Variants in ZNF581 observed in about 807,000 individuals in gnomAD.
The protein encoded by ZNF581 is zinc finger protein 581.
ZNF581 carries 1 observed loss-of-function variant against 1.2 expected under a neutral mutation model. The ratio of observed to expected loss-of-function variants is 0.83; its 90% CI spans 0.30 to 3.95. The LOEUF (loss-of-function observed/expected upper bound fraction) is 3.95, where lower values mean the gene tolerates loss of function less well. Among genes scored for constraint, ZNF581 ranks in the 30% most tolerant of loss-of-function variants. The pLI is 0.18. For missense variants in ZNF581, 273 were observed against 274.6 expected, an observed-to-expected ratio of 0.99 and a Z score of 0.04; for synonymous variants, 105 against 109.2, an observed-to-expected ratio of 0.96 and a Z score of 0.24.
chr19:55,636,638 A>G (rs1982108624), upstream of ZNF581, among the ~76,000 whole-genome samples: 1 of 152,088 alleles, frequency 6.6e-6, no homozygotes, highest in African/African-American at 2.4e-5. Context: ...AGAGTGGGGA[A>G]GGCAGGCAGT....
rs1271130369 is a variant in ZNF581, at chr19:55,645,130, A to G, written c.559A>G (p.Thr187Ala). 2.0e-6 allele frequency: 3 copies of G among 1,523,988 alleles called. No homozygotes were observed. The African/African-American group carries it at 4.2e-5, about 21-fold the overall frequency. 94.4% of individuals were successfully genotyped at this position (1,523,988 alleles called of 1,614,324 possible). ...HCPRRFMEQNTLQKHTRWKHP is the reference protein window; with the variant it reads ...HCPRRFMEQNALQKHTRWKHP The stretch of plus-strand genomic sequence containing the variant: ...CCCTCGCCGCTTTATGGAGCAGAAC[A>G]CACTGCAGAAACACACGCGGTGGAA... The change falls in exon 2 of 2, where the codon ACA becomes GCA. Residue 187 changes from threonine (T) to alanine (A), a missense_variant. Physicochemically the swap from Thr to Ala is moderately conservative, Grantham distance 58 (BLOSUM62 0). Coordinates refer to ENST00000270451, the MANE Select transcript of ZNF581 (RefSeq NM_016535.4).
chr19:55,642,712 G>A (rs1020221631), upstream of ZNF581: 1 of 1,500,044 alleles, frequency 6.7e-7, no homozygotes, highest in Non-Finnish European at 8.9e-7. Flanking sequence ...ACACGGTGCA[G>A]CTGGAGGAGG....
chr19:55,642,324 C>G (rs1982555328), upstream of ZNF581: 2 of 1,261,370 alleles, frequency 1.6e-6, no homozygotes, highest in East Asian at 3.2e-5. Flanking sequence ...TCCGAGGCAG[C>G]TTGATGGAAC....
At chr19:55,635,625 T>A (rs1982047473) in exon 1 of ZNF581, 1 of 977,798 alleles carries the variant, frequency 1.0e-6, no homozygotes, top group South Asian at 4.7e-5. Context: ...AACTGAAGTT[T>A]GGGGACATGA....
chr19:55,645,594 A>T lies in ZNF581; in HGVS notation c.*429A>T, dbSNP rs1982802002. ...CACCCCCCAACCAGGCCTGAGACTG[A>T]TCAAACAATAAACACGTTTCCCACT... On this transcript the variant is annotated 3_prime_UTR_variant, in exon 2 of 2. Transcript: ENST00000270451. The T allele has an allele frequency of 5.7e-6, 1 of 176,050 alleles. No individual in the cohort carries two copies. Among genetic ancestry groups the T allele is most frequent in the Admixed American group, 6.5e-5 (1 of 15,496 alleles). The allele number at this position is 176,050 out of a possible 1,614,324, so 10.9% of individuals were successfully genotyped here. A position where few individuals can be genotyped will look rare whatever the true frequency, so the allele number is the denominator to read the frequency against.
chr19:55,635,054 G>C (rs1318120833), upstream of ZNF581: 1 of 152,134 alleles, frequency 6.6e-6, no homozygotes, highest in African/African-American at 2.4e-5. Context: ...TAGGGAGACC[G>C]GGCCGGATTG....
upstream of ZNF581, among the ~76,000 whole-genome samples, chr19:55,639,731 C>G (rs1251997085): frequency 6.6e-6 from 1 of 152,160 alleles, no homozygotes; most frequent in Non-Finnish European, 1.5e-5. Context: ...ATTCTCCTGC[C>G]TCAGCCTCCC....
upstream of ZNF581, among the ~76,000 whole-genome samples, chr19:55,637,171 C>A (rs1159925553): frequency 6.6e-6 from 1 of 151,932 alleles, no homozygotes; most frequent in African/African-American, 2.4e-5. Flanking sequence ...TGCTGTGTCT[C>A]AGAGGGGAAG....
chr19:55,642,817 C>T, upstream of ZNF581: 1 of 1,573,336 alleles, frequency 6.4e-7, no homozygotes, highest in Non-Finnish European at 8.6e-7. Flanking sequence ...TCTTTGCCAG[C>T]CCTCTGCGGC....
At chr19:55,642,925 C>T, upstream of ZNF581, 1 of 1,484,014 alleles carries the variant, frequency 6.7e-7, no homozygotes, top group African/African-American at 1.5e-5. Flanking sequence ...CGCGGCATCG[C>T]GCCACGCACC....
upstream of ZNF581, chr19:55,643,221 C>A: frequency 2.0e-6 from 2 of 1,018,338 alleles, no homozygotes; most frequent in Non-Finnish European, 2.6e-6. Flanking sequence ...TGATGTAGAC[C>A]AAAGTCGTTG....
upstream of ZNF581, chr19:55,642,795 A>C (rs1353041423): frequency 1.9e-6 from 3 of 1,562,172 alleles, no homozygotes; most frequent in African/African-American, 1.4e-5. Flanking sequence ...AGCTGCCCGG[A>C]GTGCGCCCGT....
upstream of ZNF581, chr19:55,642,743 C>T (rs771730917): frequency 3.9e-6 from 6 of 1,521,240 alleles, no homozygotes; most frequent in South Asian, 6.1e-5. Flanking sequence ...CCCGCCCCAG[C>T]GCGAGGCGCC....
upstream of ZNF581, chr19:55,640,736 C>G (rs1982404313): frequency 1.0e-6 from 1 of 985,334 alleles, no homozygotes; most frequent in African/African-American, 1.7e-5. Flanking sequence ...CAGCGACGGC[C>G]CAGTGGAAAG....
At chr19:55,640,136 A>G (rs1452761377), upstream of ZNF581, 1 of 985,344 alleles carries the variant, frequency 1.0e-6, no homozygotes, top group African/African-American at 1.7e-5. Flanking sequence ...CTGCACCTGC[A>G]GATGCTGCTG....
chr19:55,636,133 G>A (rs1048880178), upstream of ZNF581, among the ~76,000 whole-genome samples: 4 of 152,192 alleles, frequency 2.6e-5, no homozygotes, highest in Non-Finnish European at 4.4e-5. Flanking sequence ...AGGGGGCCGG[G>A]AGAATGTTAT....
rs2123635802 is a variant in ZNF581 at position 55,644,654 on chromosome 19, G to A, written c.83G>A (p.Cys28Tyr). ...ATGGAGGGCCCTCCCCGTCGGACTT[G>A]CCGCTCCCCAGAACCTGGACCTTCC... ...ETMEGPPRRTCRSPEPGPSSS... is the reference protein window; with the variant it reads ...ETMEGPPRRTYRSPEPGPSSS... The change falls in exon 2 of 2, where the codon TGC (cysteine) becomes TAC (tyrosine). Residue 28 changes from cysteine (C) to tyrosine (Y), a missense_variant. Transcript: ENST00000270451. This position sits in a 1 kb window ranked among gnomAD's most constrained non-coding sequence, Gnocchi z 4.3. The A allele has an allele frequency of 6.2e-7, 1 of 1,611,656 alleles. No individual in the cohort carries two copies. The highest frequency in any genetic ancestry group is 8.5e-7 in the Non-Finnish European group (1 of 1,178,938).
intron 1 of ZNF581, among the ~76,000 whole-genome samples, chr19:55,635,985 A>G (rs1361432220): frequency 6.6e-6 from 1 of 152,140 alleles, no homozygotes; most frequent in African/African-American, 2.4e-5. Flanking sequence ...TGTAAATTCA[A>G]GGTCTGGCCA....
At chr19:55,643,477 G>C, upstream of ZNF581, 1 of 177,144 alleles carries the variant, frequency 5.6e-6, no homozygotes, top group Non-Finnish European at 1.3e-5. Flanking sequence ...TCCATTTTCA[G>C]GCTCTTCCTT....
Sources: gnomAD v4.1 joint callset for allele counts (sites outside exome capture counted in the v4.1 genomes callset) on GRCh38, gnomAD v4.1.1 for gene constraint, Gnocchi (gnomAD v3.1) non-coding constraint, MANE v1.5 for transcripts, NCBI Gene and HGNC (gene_info 2026-07-23, HGNC 2026-07-21) for gene names.